Variants in DNAJC19 observed in about 807,000 individuals in gnomAD.
DNAJC19 encodes the protein DnaJ heat shock protein family (Hsp40) member C19.
Under a neutral mutation model 19.8 loss-of-function variants are expected in DNAJC19, and 15 were observed. The ratio of observed to expected loss-of-function variants is 0.76; its 90% CI spans 0.51 to 1.17. The LOEUF (loss-of-function observed/expected upper bound fraction) is 1.17. Ranked by LOEUF, DNAJC19 falls within the 50% of genes most tolerant of loss-of-function variation. The pLI is 0.00. For synonymous variants in DNAJC19, 38 were observed against 42.1 expected, an observed-to-expected ratio of 0.90 and a Z score of 0.38; for missense variants, 105 against 140.9, an observed-to-expected ratio of 0.75 and a Z score of 1.29.
In DNAJC19 at chr3:180,984,013, T is replaced by C. The variant is rs1021498576; in HGVS notation, c.*627A>G. 6.6e-6 allele frequency: 3 copies of C among 453,886 alleles called. No homozygotes were observed. The highest frequency in any genetic ancestry group is 2.0e-5 in the African/African-American group (1 of 49,982). The allele number at this position is 453,886 out of a possible 1,614,324, so 28.1% of individuals were successfully genotyped here. A position where few individuals can be genotyped will look rare whatever the true frequency, so the allele number is the denominator to read the frequency against. Reference sequence around the variant, plus strand: ...AGGAGGTTGAGGCTGCAATGAACTGTGATTGTACCAGACCTGTACTCTGAA... The same window carrying C: ...AGGAGGTTGAGGCTGCAATGAACTGCGATTGTACCAGACCTGTACTCTGAA... On this transcript the variant is annotated 3_prime_UTR_variant, in exon 6 of 6. Coordinates refer to ENST00000382564, the MANE Select transcript of DNAJC19 (RefSeq NM_145261.4).
intron 5 of DNAJC19, chr3:180,985,718 ATAG>A (rs1577024159): frequency 9.2e-6 from 5 of 543,662 alleles, no homozygotes; most frequent in Non-Finnish European, 1.6e-5. Flanking sequence ...AAACATAGTA[ATAG>A]TAGCACTTAC....
Position 180,989,676 on chromosome 3 carries a change from C to T in DNAJC19, c.-74G>A. On this transcript the variant is annotated 5_prime_UTR_variant, in exon 1 of 6. Transcript: ENST00000382564. ...GCTCAGAGGCCGCGGCCAACACCTG[C>T]ACGCCTTTACCAGAGAGCGACGCAA... 1 of 1,557,938 alleles carries T rather than the reference C, an allele frequency of 6.4e-7. No homozygotes were observed. The highest frequency in any genetic ancestry group is 8.7e-7 in the Non-Finnish European group (1 of 1,151,608).
Position 180,984,503 on chromosome 3 carries a change from A to C in DNAJC19, c.*137T>G. On this transcript the variant is annotated 3_prime_UTR_variant, in exon 6 of 6. Coordinates refer to ENST00000382564, the MANE Select transcript of DNAJC19 (RefSeq NM_145261.4). Reference sequence around the variant, plus strand: ...TTTAAAATCCCCAAATTTAAACAAGAAAATTATACCAAGGCTTTGAGATTT... The same window carrying C: ...TTTAAAATCCCCAAATTTAAACAAGCAAATTATACCAAGGCTTTGAGATTT... 1 of 706,984 alleles carries C rather than the reference A, an allele frequency of 1.4e-6. No individual in the cohort carries two copies. The highest frequency in any genetic ancestry group is 2.5e-6 in the Non-Finnish European group (1 of 395,456). 43.8% of individuals were successfully genotyped at this position (706,984 alleles called of 1,614,324 possible).
In DNAJC19 at chr3:180,984,365, A is replaced by G; in HGVS notation, c.*275T>C. 1 of 486,776 alleles carries G rather than the reference A, an allele frequency of 2.1e-6. No individual in the cohort carries two copies. Among genetic ancestry groups the G allele is most frequent in the South Asian group, 1.5e-5 (1 of 64,716 alleles). 30.2% of individuals were successfully genotyped at this position (486,776 alleles called of 1,614,324 possible). A position where few individuals can be genotyped will look rare whatever the true frequency, so the allele number is the denominator to read the frequency against. ...GACTGTCATCTTCACTTTGCCTTGA[A>G]AAGTAGACATAGGTCCCAAATTATC... On this transcript the variant is annotated 3_prime_UTR_variant, in exon 6 of 6. Coordinates refer to ENST00000382564, the MANE Select transcript of DNAJC19 (RefSeq NM_145261.4).
chr3:180,986,239 TAAG>T (rs1714898660), intron 4 of DNAJC19, among the ~76,000 whole-genome samples: 2 of 151,520 alleles, frequency 1.3e-5, no homozygotes, highest in South Asian at 4.2e-4. Context: ...CTTTTATTGA[TAAG>T]AAACGCATGT....
At chr3:180,987,362 G>T (rs1464335842) in intron 3 of DNAJC19, 2 of 319,792 alleles carry the variant, frequency 6.3e-6, no homozygotes, top group Non-Finnish European at 1.2e-5. Flanking sequence ...GCAAGAAGTG[G>T]CTCAAGAACA....
Position 180,986,981 on chromosome 3 carries a change from T to G in DNAJC19, c.171A>C (p.Lys57Asn). ...GGYYRGGFEP[K>N]MTKREAALIL... ...TTAATGCTGCTTCCCGTTTTGTCAT[T>G]TTGGGTTCAAACCCACCTCTATAAT... The change falls in exon 4 of 6, where the codon AAA becomes AAC. Residue 57 changes from lysine (K) to asparagine (N), a missense_variant. By Grantham distance (94) the Lys-to-Asn change is moderately conservative. Transcript: ENST00000382564. 6.2e-7 allele frequency: 1 copy of G among 1,614,092 alleles called. No homozygotes were observed. The highest frequency in any genetic ancestry group is 8.5e-7 in the Non-Finnish European group (1 of 1,179,960).
Position 180,989,227 on chromosome 3 carries a change from A to G in DNAJC19, c.3+373T>C. The G allele has an allele frequency of 6.2e-6, 6 of 962,574 alleles. No homozygotes were observed. In the South Asian group the frequency reaches 1.5e-4, roughly 24 times the overall value. 59.6% of individuals were successfully genotyped at this position (962,574 alleles called of 1,614,324 possible). ...ACATCTGTCAGCAAAAGCCAAAGAG[A>G]AGGACATAGCAAAGTGGAGCTAGTG... On this transcript the variant is annotated intron_variant, in intron 1 of 5. Transcript: ENST00000382564.
Position 180,988,241 on chromosome 3 carries a change from G to T in DNAJC19, c.4-12C>A. 1.2e-6 allele frequency: 2 copies of T among 1,614,040 alleles called. No individual in the cohort carries two copies. Among genetic ancestry groups the T allele is most frequent in the Middle Eastern group, 1.6e-4 (1 of 6,062 alleles). ...ACCACTGTACTGGCCTGGTAAGGGG[G>T]AGAAGAGTAAATATTTACTTCTCTA... is the stretch of plus-strand genomic sequence containing the variant. On this transcript the variant is annotated splice_polypyrimidine_tract_variant and intron_variant, in intron 1 of 5. Transcript: ENST00000382564.
rs138755965 is a variant in DNAJC19, at chr3:180,986,286, G to GT, written c.210-291dup. Among the ~76,000 whole-genome samples, 34,218 of 138,410 alleles carry GT rather than the reference G, an allele frequency of 0.25. 4,124 individuals are homozygous for GT. Among genetic ancestry groups the GT allele is most frequent in the South Asian group, 0.37 (1,640 of 4,386 alleles). The allele number at this position is 138,410 out of a possible 152,430, so 90.8% of individuals were successfully genotyped here. The stretch of plus-strand genomic sequence containing the variant: ...TTGAAAATGAAGAAGGAAGAGTTTT[G>GT]TTTTTTTTTTTTTTTGAGATAGTCT... On this transcript the variant is annotated intron_variant, in intron 4 of 5. Coordinates refer to ENST00000382564, the MANE Select transcript of DNAJC19 (RefSeq NM_145261.4).
chr3:180,986,507 C>T (rs1714918568), intron 4 of DNAJC19: 1 of 200,868 alleles, frequency 5.0e-6, no homozygotes, highest in Non-Finnish European at 1.0e-5. Context: ...GTCTTGAACT[C>T]CTGACCTCAA....
intron 3 of DNAJC19, chr3:180,987,484 G>A (rs980940713): frequency 8.3e-6 from 2 of 241,978 alleles, no homozygotes; most frequent in Non-Finnish European, 8.1e-6. Flanking sequence ...AAATCATATT[G>A]GTAAAGCCTA....
Position 180,983,998 on chromosome 3 carries a change from G to A in DNAJC19, c.*642C>T, listed in dbSNP as rs1714756127. On this transcript the variant is annotated 3_prime_UTR_variant, in exon 6 of 6. Transcript: ENST00000382564. The stretch of plus-strand genomic sequence containing the variant: ...GGACTGCTTAAACCCAGGAGGTTGA[G>A]GCTGCAATGAACTGTGATTGTACCA... 8.8e-6 allele frequency: 4 copies of A among 453,852 alleles called. No homozygotes were observed. Among genetic ancestry groups the A allele is most frequent in the Admixed American group, 2.4e-5 (1 of 42,538 alleles). 28.1% of individuals were successfully genotyped at this position (453,852 alleles called of 1,614,324 possible).
Position 180,989,679 on chromosome 3 carries a change from G to T in DNAJC19, c.-77C>A. On this transcript the variant is annotated 5_prime_UTR_variant, in exon 1 of 6. Transcript: ENST00000382564. ...CAGAGGCCGCGGCCAACACCTGCAC[G>T]CCTTTACCAGAGAGCGACGCAACCC... The T allele has an allele frequency of 3.9e-6, 6 of 1,555,702 alleles. No homozygotes were observed. Among genetic ancestry groups the T allele is most frequent in the Admixed American group, 1.9e-5 (1 of 51,818 alleles).
chr3:180,985,199 A>AG (rs1714838913), intron 5 of DNAJC19, among the ~76,000 whole-genome samples: 1 of 152,050 alleles, frequency 6.6e-6, no homozygotes, highest in Non-Finnish European at 1.5e-5. Context: ...TCCCTTCACA[A>AG]TGTCATCTAC....
At chr3:180,985,439 G>A (rs1018620993) in intron 5 of DNAJC19, 3 of 159,952 alleles carry the variant, frequency 1.9e-5, no homozygotes, top group African/African-American at 7.2e-5. Context: ...TTTTATTAAT[G>A]AAAGCCCTCT....
intron 4 of DNAJC19, 94 bp from the exon 5 acceptor site, chr3:180,986,090 G>T: frequency 1.0e-6 from 1 of 995,522 alleles, no homozygotes; most frequent in Non-Finnish European, 1.6e-6. Context: ...CTGTGAAACT[G>T]TAGTAAATTA....
At position 180,986,002 on chromosome 3, in the gene DNAJC19, TAAA is replaced by T. The variant is rs1466519628; in HGVS notation, c.210-9_210-7del. 1.2e-6 allele frequency: 2 copies of T among 1,610,424 alleles called. No individual in the cohort carries two copies. Among genetic ancestry groups the T allele is most frequent in the Non-Finnish European group, 1.7e-6 (2 of 1,177,858 alleles). ...TCCCTTTATTGGCAGTAGGGCTAAT[TAAA>T]AAAAGAAATGGTATTTACTTCATCC... On this transcript the variant is annotated splice_polypyrimidine_tract_variant and splice_region_variant and intron_variant, in intron 4 of 5. Transcript: ENST00000382564.
rs749557429 is a variant in DNAJC19 at position 180,984,638 on chromosome 3, C to T, written c.*2G>A. On this transcript the variant is annotated 3_prime_UTR_variant, in exon 6 of 6. Coordinates refer to ENST00000382564, the MANE Select transcript of DNAJC19 (RefSeq NM_145261.4). ...GAACTTAAAATTCATCATACATTTA[C>T]TTCATTTTTTAGCTTGACCTTCTAG... The T allele has an allele frequency of 2.5e-6, 4 of 1,595,448 alleles. No individual in the cohort carries two copies. Among genetic ancestry groups the T allele is most frequent in the Non-Finnish European group, 3.4e-6 (4 of 1,166,550 alleles).
Sources: allele counts gnomAD v4.1 joint callset (sites outside exome capture counted in the v4.1 genomes callset), GRCh38; gene constraint gnomAD v4.1.1; transcripts MANE v1.5; gene names NCBI Gene and HGNC (gene_info 2026-07-23, HGNC 2026-07-21).